The following ABCA6 variants were observed in gnomAD, a reference collection of about 807,000 sequenced individuals.
ABCA6 encodes ATP-binding cassette sub-family A member 6.
A neutral mutation model predicts 191.2 loss-of-function variants in ABCA6; 164 were observed. The ratio of observed to expected loss-of-function variants is 0.86; its 90% CI spans 0.76 to 0.98. The LOEUF is 0.98. Among genes scored for constraint, ABCA6 ranks in the 50% least tolerant of loss-of-function variants. The pLI, the probability that ABCA6 is intolerant of heterozygous loss-of-function variation, is 0.00. For synonymous variants in ABCA6, 636 were observed against 647.7 expected, an observed-to-expected ratio of 0.98 and a Z score of 0.27; for missense variants, 1,958 against 1,894.1, an observed-to-expected ratio of 1.03 and a Z score of -0.63.
intron 9 of ABCA6, among the ~76,000 whole-genome samples, chr17:69,124,582 C>T (rs777113934): frequency 4.2e-4 from 64 of 151,800 alleles, no homozygotes; most frequent in Non-Finnish European, 2.9e-4. Flanking sequence ...CCTAATATGA[C>T]CCTTTCAAAA....
rs2073165918 is a variant in ABCA6 at position 69,100,921 on chromosome 17, GA to G, written c.2887del (p.Ser963GlnfsTer16). 2 of 1,591,976 alleles carry G rather than the reference GA, an allele frequency of 1.3e-6. No individual in the cohort carries two copies. Among genetic ancestry groups the G allele is most frequent in the African/African-American group, 2.7e-5 (2 of 74,010 alleles). ...VSGKQKDYRF[S>X]VVCNTKRLHC... ...CAATCTCTTGGTATTACACACAACT[GA>G]AAATCTATAATCCTTAAAACAGAAA... On this transcript the variant is annotated frameshift_variant, in exon 22 of 39. Transcript: ENST00000284425. LOFTEE classifies it high-confidence loss of function.
chr17:69,084,636 A>G (rs1431445099), intron 32 of ABCA6, 129 bp from the exon 33 acceptor site: 1 of 849,510 alleles, frequency 1.2e-6, no homozygotes, highest in Non-Finnish European at 1.8e-6. Context: ...CATAATTTTA[A>G]AAAAGAGATT....
intron 25 of ABCA6, among the ~76,000 whole-genome samples, chr17:69,093,673 G>A (rs1166207338): frequency 6.6e-6 from 1 of 152,092 alleles, no homozygotes; most frequent in Non-Finnish European, 1.5e-5. Context: ...AAGCTCTCCT[G>A]TATCCCGATC....
intron 10 of ABCA6, among the ~76,000 whole-genome samples, chr17:69,118,371 G>C (rs1369794591): frequency 2.0e-5 from 3 of 152,016 alleles, no homozygotes; most frequent in African/African-American, 7.2e-5. Flanking sequence ...CTTTTATAGT[G>C]TTCTCTCTAA....
Position 69,102,817 on chromosome 17 carries a change from G to T in ABCA6, c.2874+18C>A. The T allele has an allele frequency of 6.4e-7, 1 of 1,558,382 alleles. No homozygotes were observed. The highest frequency in any genetic ancestry group is 2.2e-5 in the Admixed American group (1 of 45,434). ...AGTACTTTTTGTTTTTTTCATAAAA[G>T]CAAAAAGGCAAACATACCTTTTGTT... is the stretch of plus-strand genomic sequence containing the variant. On this transcript the variant is annotated intron_variant, in intron 21 of 38. Transcript: ENST00000284425.
chr17:69,112,356 C>G, intron 15 of ABCA6, 83 bp from the exon 16 acceptor site: 1 of 1,057,848 alleles, frequency 9.5e-7, no homozygotes, highest in Non-Finnish European at 1.4e-6. Flanking sequence ...AGCCAAGGCT[C>G]AGAAGTGCAA....
chr17:69,102,924 T>C lies in ABCA6; in HGVS notation c.2785A>G (p.Ile929Val), dbSNP rs1568011115. 1.3e-6 allele frequency: 2 copies of C among 1,571,352 alleles called. No homozygotes were observed. Among genetic ancestry groups the C allele is most frequent in the African/African-American group, 1.4e-5 (1 of 73,910 alleles). Residue 929 changes from isoleucine (I) to valine (V), a missense_variant, in exon 21 of 39, where the codon ATA becomes GTA. Transcript: ENST00000284425. ...TCAAAGTCATCTACTTCCAAAAGTA[T>C]ATTTTGATGCTTCAGTGATTTTATA... ...DFIKSLKHQNILLEVDDFENR... is the reference protein window; with the variant it reads ...DFIKSLKHQNVLLEVDDFENR...
At chr17:69,120,052 AAC>A (rs1441951028) in intron 10 of ABCA6, among the ~76,000 whole-genome samples, 1 of 152,086 alleles carries the variant, frequency 6.6e-6, no homozygotes, top group Admixed American at 6.6e-5. Flanking sequence ...TTATATCAAA[AAC>A]ACACAGAGCT....
intron 8 of ABCA6, among the ~76,000 whole-genome samples, chr17:69,125,704 G>C (rs952932834): frequency 6.6e-6 from 1 of 152,016 alleles, no homozygotes; most frequent in African/African-American, 2.4e-5. Flanking sequence ...ACACTCTACA[G>C]CTTCTCAGTC....
Position 69,086,725 on chromosome 17 carries a change from A to G in ABCA6, c.3830T>C (p.Ile1277Thr), listed in dbSNP as rs1243291957. 6.2e-7 allele frequency: 1 copy of G among 1,610,454 alleles called. No homozygotes were observed. Among genetic ancestry groups the G allele is most frequent in the East Asian group, 2.2e-5 (1 of 44,606 alleles). ...TTCTTTGTGTAGACAGCTGGCAATTATAACAGGTTTCTAGAAGAGATGACA... is the reference window on the plus strand; with the variant it reads ...TTCTTTGTGTAGACAGCTGGCAATTGTAACAGGTTTCTAGAAGAGATGACA... ...TTSILDEKPV[I>T]IASCLHKEYA... The change falls in exon 30 of 39, where the codon ATA becomes ACA. Residue 1277 changes from isoleucine (I) to threonine (T), a missense_variant. Transcript: ENST00000284425.
At chr17:69,115,070 A>G (rs1304910997) in intron 12 of ABCA6, 133 bp from the exon 13 acceptor site, 5 of 727,720 alleles carry the variant, frequency 6.9e-6, no homozygotes, top group Non-Finnish European at 1.1e-5. Context: ...TCTTGACATA[A>G]ATATATGCTT....
intron 22 of ABCA6, chr17:69,098,359 G>C: frequency 4.5e-6 from 1 of 221,378 alleles, no homozygotes; most frequent in Non-Finnish European, 8.7e-6. Context: ...TTAACAAAAT[G>C]TGTATGTATA....
At chr17:69,103,953 T>C (rs892776316) in intron 20 of ABCA6, 2 of 147,976 alleles carry the variant, frequency 1.4e-5, no homozygotes, top group Non-Finnish European at 3.0e-5. Context: ...TATAGTGGGC[T>C]CTGGGATTGG....
At chr17:69,112,927 A>G (rs942433173) in intron 15 of ABCA6, 10 of 212,312 alleles carry the variant, frequency 4.7e-5, no homozygotes, top group African/African-American at 1.9e-4. Context: ...ATGCTAAAGA[A>G]TAAGTGTCTA....
intron 25 of ABCA6, among the ~76,000 whole-genome samples, chr17:69,095,663 T>C (rs571417971): frequency 1.3e-5 from 2 of 152,272 alleles, no homozygotes; most frequent in South Asian, 2.1e-4. Context: ...ATTCCAAGAG[T>C]TGAGAGCTGT....
rs1485620410 is a variant in ABCA6, at chr17:69,136,128, C to T, written c.424G>A (p.Gly142Arg). The T allele has an allele frequency of 6.2e-7, 1 of 1,609,710 alleles. No individual in the cohort carries two copies. The highest frequency in any genetic ancestry group is 1.1e-5 in the South Asian group (1 of 90,418). The change falls in exon 4 of 39, where the codon GGA becomes AGA. Residue 142 changes from glycine (G) to arginine (R), a missense_variant. Gly to Arg is a moderately radical substitution (Grantham distance 125). Coordinates refer to ENST00000284425, the MANE Select transcript of ABCA6 (RefSeq NM_080284.3). ...TCTTTCCAAAGTGGACTGTTATATC[C>T]CTGGAAAAATATTAACTTATAAGAG... ...TFSYKLIFFQGYNSPLWKEDF... is the reference protein window; with the variant it reads ...TFSYKLIFFQRYNSPLWKEDF...
chr17:69,113,191 A>G, intron 15 of ABCA6, 31 bp downstream of exon 15: 3 of 1,582,040 alleles, frequency 1.9e-6, no homozygotes, highest in Non-Finnish European at 1.7e-6. Flanking sequence ...CAATTGCATC[A>G]TGGTAACACT....
At chr17:69,130,598 T>C (rs2073844848) in intron 6 of ABCA6, among the ~76,000 whole-genome samples, 1 of 152,230 alleles carries the variant, frequency 6.6e-6, no homozygotes, top group South Asian at 2.1e-4. Flanking sequence ...TTTCCATTTT[T>C]TTCTATTACA....
At chr17:69,112,406 C>A in intron 15 of ABCA6, 133 bp from the exon 16 acceptor site, 3 of 598,566 alleles carry the variant, frequency 5.0e-6, no homozygotes, top group South Asian at 2.4e-5. Context: ...ATCTAGTGTG[C>A]ATTTTAACAT....
Sources: allele counts gnomAD v4.1 joint callset (sites outside exome capture counted in the v4.1 genomes callset), GRCh38; gene constraint gnomAD v4.1.1; transcripts MANE v1.5; gene names NCBI Gene and HGNC (gene_info 2026-07-23, HGNC 2026-07-21).